The following BRSK2 variants were observed in gnomAD, a reference collection of about 807,000 sequenced individuals.
The protein encoded by BRSK2 is serine/threonine-protein kinase BRSK2.
BRSK2 carries 19 observed loss-of-function variants against 83.3 expected under a neutral mutation model. The observed-to-expected ratio is 0.23, with a 90% CI of 0.16 to 0.33. The LOEUF is 0.33. BRSK2 is among the 10% of genes least tolerant of loss of function. The pLI is 1.00. For synonymous variants in BRSK2, 519 were observed against 435.4 expected (o/e 1.19, Z -2.39); for missense variants, 798 against 1,042.3 (o/e 0.77, Z 3.23).
intron 14 of BRSK2, 45 bp downstream of exon 14, chr11:1,450,839 A>G: frequency 6.5e-7 from 1 of 1,528,026 alleles, no homozygotes. Flanking sequence ...GGGAGAGAGC[A>G]GAGGCTGCCT....
chr11:1,391,920 G>T (rs527462866), intron 1 of BRSK2, among the ~76,000 whole-genome samples: 1 of 152,314 alleles, frequency 6.6e-6, no homozygotes, highest in East Asian at 1.9e-4. Context: ...GCTGGCGGCA[G>T]TTAATTACGG....
chr11:1,450,545 G>C (rs372347230), intron 13 of BRSK2, 42 bp from the exon 14 acceptor site: 3 of 1,135,314 alleles, frequency 2.6e-6, no homozygotes, highest in South Asian at 2.9e-5. Context: ...GCCCCCACCC[G>C]CCGGGATTGA....
chr11:1,451,742 G>A (rs1157145691), intron 15 of BRSK2, among the ~76,000 whole-genome samples: 2 of 152,152 alleles, frequency 1.3e-5, no homozygotes, highest in Non-Finnish European at 2.9e-5. Flanking sequence ...AGACCGGGTC[G>A]CTCAGGTCTC....
chr11:1,456,946 C>A (rs1293727157), intron 18 of BRSK2: 14 of 1,597,104 alleles, frequency 8.8e-6, no homozygotes, highest in African/African-American at 2.7e-5. Flanking sequence ...CGCCTCTTGT[C>A]CACCGTAGAA....
intron 19 of BRSK2, 117 bp from the exon 20 acceptor site, chr11:1,460,383 T>G: frequency 7.7e-6 from 7 of 914,024 alleles, no homozygotes; most frequent in East Asian, 3.6e-5. Context: ...CGAGGCCTCT[T>G]CGTTCATTTG....
At chr11:1,414,822 C>T (rs1318915026) in intron 1 of BRSK2, among the ~76,000 whole-genome samples, 1 of 152,194 alleles carries the variant, frequency 6.6e-6, no homozygotes, top group Non-Finnish European at 1.5e-5. Flanking sequence ...TGCTGTGCGT[C>T]CGTCTGCGTC....
chr11:1,405,907 G>A (rs1430673123), intron 1 of BRSK2, among the ~76,000 whole-genome samples: 1 of 151,736 alleles, frequency 6.6e-6, no homozygotes, highest in Non-Finnish European at 1.5e-5. Context: ...AGCCCCAGGC[G>A]CCCCTTCTGT....
chr11:1,457,910 T>A (rs1846833934), intron 18 of BRSK2, among the ~76,000 whole-genome samples: 1 of 151,992 alleles, frequency 6.6e-6, no homozygotes, highest in South Asian at 2.1e-4. Context: ...TTCTCCTGAT[T>A]TTGGGAGCCA....
At chr11:1,392,078 G>A (rs1187854464) in intron 1 of BRSK2, among the ~76,000 whole-genome samples, 2 of 152,166 alleles carry the variant, frequency 1.3e-5, no homozygotes, top group East Asian at 1.9e-4. Context: ...GAGCGCAAGC[G>A]TGTCACCGGG....
At chr11:1,404,488 G>C (rs974731690) in intron 1 of BRSK2, among the ~76,000 whole-genome samples, 2 of 152,216 alleles carry the variant, frequency 1.3e-5, no homozygotes, top group Non-Finnish European at 2.9e-5. Flanking sequence ...CTCCGTCCCT[G>C]TCCCAGCACC....
rs770052651 is a variant in BRSK2, at chr11:1,451,344, TTCC to T, written c.1496-22_1496-20del. ...GAAGGATGGAGCGGTCACCACGCCT[TTCC>T]TCCTGTTCATCCTGTGTGCACAGTT... On this transcript the variant is annotated intron_variant, in intron 14 of 19. Transcript: ENST00000528841. 4.3e-6 allele frequency: 7 copies of T among 1,612,592 alleles called. No homozygotes were observed. The African/African-American group carries it at 8.0e-5, about 18-fold the overall frequency.
chr11:1,453,398 T>C (rs1344468696), intron 15 of BRSK2, among the ~76,000 whole-genome samples: 1 of 152,230 alleles, frequency 6.6e-6, no homozygotes, highest in Non-Finnish European at 1.5e-5. Flanking sequence ...GGGCAGAACA[T>C]CGACCATGTA....
rs545636364 is a variant in BRSK2 at position 1,424,210 on chromosome 11, G to A, written c.92-11830G>A. Among the ~76,000 whole-genome samples the A allele has an allele frequency of 5.4e-4, 82 of 152,310 alleles. 3 individuals are homozygous for A. The South Asian group carries it at 0.016, about 29-fold the overall frequency. ...CCTCCGGAACTGCTCCGTGAGCCCCGGGGAGCCCCACCATTCCCCTGGAGT... is the reference window on the plus strand; with the variant it reads ...CCTCCGGAACTGCTCCGTGAGCCCCAGGGAGCCCCACCATTCCCCTGGAGT... On this transcript the variant is annotated intron_variant, in intron 1 of 19. Coordinates refer to ENST00000528841, the MANE Select transcript of BRSK2 (RefSeq NM_001256627.2).
chr11:1,441,993 C>G (rs1303931096), intron 4 of BRSK2, among the ~76,000 whole-genome samples: 1 of 102,548 alleles, frequency 9.8e-6, no homozygotes, highest in East Asian at 2.9e-4. Flanking sequence ...ACTGTCCCCC[C>G]CACCCCATTA....
At chr11:1,433,835 G>A (rs1564835175) in intron 1 of BRSK2, among the ~76,000 whole-genome samples, 1 of 152,196 alleles carries the variant, frequency 6.6e-6, no homozygotes, top group Non-Finnish European at 1.5e-5. Context: ...CCCTGGCACT[G>A]GGCTCCCCTC....
intron 14 of BRSK2, 37 bp downstream of exon 14, chr11:1,450,831 G>A (rs1219692879): frequency 1.3e-6 from 2 of 1,548,034 alleles, no homozygotes; most frequent in Non-Finnish European, 1.7e-6. Context: ...GTGGGGCTGG[G>A]AGAGAGCAGA....
At chr11:1,459,363 G>A (rs1847111540) in intron 19 of BRSK2, 124 bp downstream of exon 19, 2 of 1,086,128 alleles carry the variant, frequency 1.8e-6, no homozygotes, top group Non-Finnish European at 2.8e-6. Flanking sequence ...TAGGCACCCA[G>A]CAGCCCAGAT....
rs1047498719 is a variant in BRSK2 at position 1,454,402 on chromosome 11, G to A, written c.1545-83G>A. 190 of 1,536,136 alleles carry A rather than the reference G, an allele frequency of 1.2e-4. No homozygotes were observed. The highest frequency in any genetic ancestry group is 1.5e-4 in the Non-Finnish European group (166 of 1,118,938). On this transcript the variant is annotated intron_variant, in intron 15 of 19. Transcript: ENST00000528841. This position sits in a 1 kb window ranked among gnomAD's most constrained non-coding sequence, Gnocchi z 5.2. ...TCACGAAGCGATGGAAGATTCCGCC[G>A]TTCCAACCCCAGATTCGAGGGAGGC...
At chr11:1,399,426 G>A (rs949092980) in intron 1 of BRSK2, among the ~76,000 whole-genome samples, 18 of 152,212 alleles carry the variant, frequency 1.2e-4, no homozygotes, top group Admixed American at 5.9e-4. Flanking sequence ...GCCCGAGGGT[G>A]GGGAGAAGCA....
Sources: allele counts gnomAD v4.1 joint callset (sites outside exome capture counted in the v4.1 genomes callset), GRCh38; gene constraint gnomAD v4.1.1; non-coding constraint Gnocchi (gnomAD v3.1); transcripts MANE v1.5; gene names NCBI Gene and HGNC (gene_info 2026-07-23, HGNC 2026-07-21).